The following ATP2C2 variants were observed in gnomAD, a reference collection of about 807,000 sequenced individuals.
The protein encoded by ATP2C2 is ATPase secretory pathway Ca2+ transporting 2, also known as calcium-transporting ATPase type 2C member 2.
Under a neutral mutation model 110.8 loss-of-function variants are expected in ATP2C2, and 171 were observed. That is an observed-to-expected ratio of 1.54 (90% CI 1.36 to 1.75). ATP2C2 has a LOEUF of 1.75. Among genes scored for constraint, ATP2C2 ranks in the 40% most tolerant of loss-of-function variants. The probability of loss-of-function intolerance (pLI) is 0.00; values close to 1 mark genes in which losing one functional copy is unlikely to be tolerated. For synonymous variants in ATP2C2, 804 were observed against 508.4 expected (o/e 1.58, Z -7.82); for missense variants, 1,963 against 1,235.0 (o/e 1.59, Z -8.84).
At chr16:84,420,968 G>C (rs182853624) in intron 7 of ATP2C2, among the ~76,000 whole-genome samples, 2 of 152,160 alleles carry the variant, frequency 1.3e-5, no homozygotes. Flanking sequence ...CCCATACCCG[G>C]CTAATTCTTG....
Position 84,454,857 on chromosome 16 carries a change from GA to G in ATP2C2, c.2021del (p.Asp674ValfsTer3). 6.2e-7 allele frequency: 1 copy of G among 1,613,598 alleles called. No homozygotes were observed. Among genetic ancestry groups the G allele is most frequent in the African/African-American group, 1.3e-5 (1 of 75,036 alleles). On this transcript the variant is annotated frameshift_variant, in exon 21 of 27. Coordinates refer to ENST00000262429, the MANE Select transcript of ATP2C2 (RefSeq NM_014861.4). LOFTEE classifies it high-confidence loss of function. ...AGGGGCGATCGTGGCCATGACTGGG[GA>G]TGGGGTGAACGACGCAGTGGCCCTG... ...ESGAIVAMTG[D>X]GVNDAVALKS...
intron 20 of ATP2C2, among the ~76,000 whole-genome samples, chr16:84,454,461 C>T (rs1910601900): frequency 6.6e-6 from 1 of 152,170 alleles, no homozygotes. Flanking sequence ...GTAATACTTA[C>T]CAGGTACCCC....
In ATP2C2 at chr16:84,448,687, G is replaced by A. The variant is rs572209763; in HGVS notation, c.1658G>A (p.Arg553Gln). The A allele has an allele frequency of 1.9e-5, 30 of 1,611,150 alleles. No homozygotes were observed. The highest frequency in any genetic ancestry group is 1.7e-4 in the Middle Eastern group (1 of 6,006). Residue 553 changes from arginine to glutamine, a missense_variant and splice_region_variant, in exon 17 of 27, where the codon CGG (arginine) becomes CAG (glutamine). Arg to Gln is a conservative substitution (Grantham distance 43). Coordinates refer to ENST00000262429, the MANE Select transcript of ATP2C2 (RefSeq NM_014861.4). ...EEKRMGSLGL[R>Q]VLALASGPEL... ...AAGAGGATGGGGTCGCTCGGTTTGC[G>A]GGGTCAGTGCCTGTGGTCCCGGCCC...
chr16:84,368,672 C>A lies in ATP2C2; in HGVS notation c.57C>A (p.Gly19=). ...AGAAACTCGGCTTCTCGGGCGGGGGCCGCCAGTACCAGGCGCTGGAGAAGG... is the reference window on the plus strand; with the variant it reads ...AGAAACTCGGCTTCTCGGGCGGGGGACGCCAGTACCAGGCGCTGGAGAAGG... ...FLKKLGFSGG[G]RQYQALEKDE... is the part of the protein sequence containing the mutation. Residue 19 remains glycine, a synonymous_variant, in exon 1 of 27, where the codon GGC becomes GGA. Coordinates refer to ENST00000262429, the MANE Select transcript of ATP2C2 (RefSeq NM_014861.4). 4.5e-6 allele frequency: 7 copies of A among 1,562,982 alleles called. No individual in the cohort carries two copies. Among genetic ancestry groups the A allele is most frequent in the Non-Finnish European group, 5.2e-6 (6 of 1,156,694 alleles).
intron 1 of ATP2C2, among the ~76,000 whole-genome samples, chr16:84,395,055 G>C (rs1318862479): frequency 6.6e-6 from 1 of 152,120 alleles, no homozygotes; most frequent in Admixed American, 6.5e-5. Flanking sequence ...ATAATCCGTG[G>C]ATGGGCATCG....
chr16:84,410,316 G>T (rs1165806833), intron 4 of ATP2C2, among the ~76,000 whole-genome samples: 3 of 152,188 alleles, frequency 2.0e-5, no homozygotes, highest in Admixed American at 6.5e-5. Context: ...ATTATAAGAT[G>T]CGGTGCCTTA....
chr16:84,398,455 A>G, intron 1 of ATP2C2, 44 bp from the exon 2 acceptor site: 4 of 1,312,302 alleles, frequency 3.0e-6, no homozygotes, highest in Non-Finnish European at 4.2e-6. Flanking sequence ...ATTAATCAGT[A>G]CAAAAGTTCA....
At chr16:84,409,098 C>A (rs1189504232) in intron 4 of ATP2C2, among the ~76,000 whole-genome samples, 1 of 152,172 alleles carries the variant, frequency 6.6e-6, no homozygotes, top group Non-Finnish European at 1.5e-5. Context: ...ATGACCTATT[C>A]TGGATATGTC....
intron 11 of ATP2C2, among the ~76,000 whole-genome samples, chr16:84,436,045 C>T (rs1181764354): frequency 1.3e-5 from 2 of 152,096 alleles, no homozygotes; most frequent in African/African-American, 2.4e-5. Flanking sequence ...AGGAGAATTG[C>T]ATGAAGCTGG....
chr16:84,461,521 C>G, intron 24 of ATP2C2, 193 bp from the exon 25 acceptor site: 1 of 637,548 alleles, frequency 1.6e-6, no homozygotes, highest in South Asian at 1.8e-5. Flanking sequence ...GGCAGCAAAT[C>G]AGCATGTGCT....
intron 4 of ATP2C2, among the ~76,000 whole-genome samples, chr16:84,409,046 G>A (rs2150524378): frequency 6.6e-6 from 1 of 151,966 alleles, no homozygotes; most frequent in East Asian, 1.9e-4. Flanking sequence ...GCTCCTACCA[G>A]CCCTTGGCAA....
chr16:84,450,244 G>T (rs1221969326), intron 17 of ATP2C2, among the ~76,000 whole-genome samples: 1 of 152,208 alleles, frequency 6.6e-6, no homozygotes, highest in East Asian at 1.9e-4. Context: ...CTTAGAGAAG[G>T]CCTGTGCGTT....
At chr16:84,434,719 C>G (rs2914820) in intron 11 of ATP2C2, among the ~76,000 whole-genome samples, 3 of 151,606 alleles carry the variant, frequency 2.0e-5, no homozygotes, top group African/African-American at 7.3e-5. Flanking sequence ...GGTTTCAACA[C>G]GTTGGCCAGG....
chr16:84,432,842 C>T (rs1298884483), intron 11 of ATP2C2, among the ~76,000 whole-genome samples: 6 of 152,092 alleles, frequency 3.9e-5, no homozygotes, highest in Admixed American at 1.3e-4. Context: ...TTCTAACAAG[C>T]TCTCAAGGGT....
At chr16:84,415,696 C>A in intron 7 of ATP2C2, 105 bp downstream of exon 7, 1 of 870,444 alleles carries the variant, frequency 1.1e-6, no homozygotes, top group Non-Finnish European at 1.8e-6. Context: ...TACACACATG[C>A]TCAAACATAC....
At chr16:84,438,872 T>C (rs1017619515) in intron 11 of ATP2C2, among the ~76,000 whole-genome samples, 3 of 152,216 alleles carry the variant, frequency 2.0e-5, no homozygotes, top group Non-Finnish European at 4.4e-5. Context: ...GAGAATAATG[T>C]CAATGCAAAA....
chr16:84,462,172 C>A, intron 26 of ATP2C2, 43 bp downstream of exon 26: 2 of 1,584,376 alleles, frequency 1.3e-6, no homozygotes, highest in Non-Finnish European at 1.7e-6. Context: ...TCGACCAGGG[C>A]CATGGGGGGC....
intron 1 of ATP2C2, among the ~76,000 whole-genome samples, chr16:84,387,802 G>A (rs544136008): frequency 6.6e-6 from 1 of 152,006 alleles, no homozygotes; most frequent in African/African-American, 2.4e-5. Context: ...GAATCGCCTG[G>A]GGGACTGGGT....
In ATP2C2 at chr16:84,463,946, G is replaced by A. The variant is rs1276145875; in HGVS notation, c.*214G>A. ...TTCCCGCTGGCTGTGGGACAGACAG[G>A]GAGGGGCCTGTACAGAAACACCACA... is the stretch of plus-strand genomic sequence containing the variant. On this transcript the variant is annotated 3_prime_UTR_variant, in exon 27 of 27. Transcript: ENST00000262429. 5 of 551,444 alleles carry A rather than the reference G, an allele frequency of 9.1e-6. No homozygotes were observed. The highest frequency in any genetic ancestry group is 1.6e-5 in the Non-Finnish European group (5 of 308,286). 34.2% of individuals were successfully genotyped at this position (551,444 alleles called of 1,614,324 possible).
Sources: allele counts gnomAD v4.1 joint callset (sites outside exome capture counted in the v4.1 genomes callset), GRCh38; gene constraint gnomAD v4.1.1; transcripts MANE v1.5; gene names NCBI Gene and HGNC (gene_info 2026-07-23, HGNC 2026-07-21).